The following BRINP3 variants were observed in gnomAD, a reference collection of about 807,000 sequenced individuals.
The protein encoded by BRINP3 is BMP/retinoic acid-inducible neural-specific protein 3.
BRINP3 carries 19 observed loss-of-function variants against 71.0 expected under a neutral mutation model. The ratio of observed to expected loss-of-function variants is 0.27; its 90% CI spans 0.19 to 0.39. The LOEUF is 0.39. Ranked by LOEUF, BRINP3 falls within the 10% of genes least tolerant of loss-of-function variation. BRINP3 has a pLI of 1.00. For synonymous variants in BRINP3, 380 were observed against 337.7 expected (o/e 1.13, Z -1.37); for missense variants, 959 against 940.8 (o/e 1.02, Z -0.25).
In BRINP3 at chr1:190,438,092, TC is replaced by T. The variant is rs1480340486; in HGVS notation, c.236+16562del. Among the ~76,000 whole-genome samples, 7 of 151,336 alleles carry T rather than the reference TC, an allele frequency of 4.6e-5. No individual in the cohort carries two copies. In the South Asian group the frequency reaches 1.0e-3, roughly 23 times the overall value. Reference sequence around the variant, plus strand: ...CAAGTTAATAATCTCTAAAATATCTTCCCATATAGGGAATAATGAATAAAGA... The same window carrying T: ...CAAGTTAATAATCTCTAAAATATCTTCCATATAGGGAATAATGAATAAAGA... On this transcript the variant is annotated intron_variant, in intron 2 of 7. Coordinates refer to ENST00000367462, the MANE Select transcript of BRINP3 (RefSeq NM_199051.3).
intron 4 of BRINP3, among the ~76,000 whole-genome samples, chr1:190,247,811 C>T (rs1659749252): frequency 2.0e-5 from 3 of 151,858 alleles, no homozygotes; most frequent in South Asian, 2.1e-4. Flanking sequence ...CATGTTGGCG[C>T]GACATGATTC....
At chr1:190,309,374 A>G (rs1456722638) in intron 2 of BRINP3, among the ~76,000 whole-genome samples, 1 of 151,848 alleles carries the variant, frequency 6.6e-6, no homozygotes, top group Non-Finnish European at 1.5e-5. Flanking sequence ...AATGTATAGT[A>G]TTGATAGTTG....
chr1:190,354,372 C>T (rs1413766977), intron 2 of BRINP3, among the ~76,000 whole-genome samples: 1 of 151,862 alleles, frequency 6.6e-6, no homozygotes, highest in Non-Finnish European at 1.5e-5. Context: ...AAGAATTATA[C>T]AGCCCAAAAT....
chr1:190,442,036 G>A (rs985799626), intron 2 of BRINP3, among the ~76,000 whole-genome samples: 2 of 151,734 alleles, frequency 1.3e-5, no homozygotes, highest in Non-Finnish European at 2.9e-5. Context: ...AGAATCTTTT[G>A]TTTTATTTGG....
At chr1:190,102,483 T>G (rs2102247660) in intron 7 of BRINP3, among the ~76,000 whole-genome samples, 1 of 152,282 alleles carries the variant, frequency 6.6e-6, no homozygotes, top group African/African-American at 2.4e-5. Context: ...TACGGTCTAC[T>G]TGGGCTAAGA....
intron 7 of BRINP3, among the ~76,000 whole-genome samples, chr1:190,150,337 C>T (rs1217954794): frequency 2.0e-5 from 3 of 151,608 alleles, no homozygotes; most frequent in African/African-American, 4.8e-5. Context: ...TGCTAAAAGG[C>T]GGTGAGGAAG....
intron 2 of BRINP3, among the ~76,000 whole-genome samples, chr1:190,313,335 A>G (rs890906694): frequency 2.0e-5 from 3 of 151,974 alleles, no homozygotes; most frequent in African/African-American, 7.2e-5. Flanking sequence ...TAAGTTAAAG[A>G]AATAGATAGC....
chr1:190,273,860 A>G (rs1414266176), intron 3 of BRINP3, among the ~76,000 whole-genome samples: 1 of 151,656 alleles, frequency 6.6e-6, no homozygotes, highest in Non-Finnish European at 1.5e-5. Flanking sequence ...ATCAACAATG[A>G]TAATGTGGTA....
At chr1:190,474,920 C>T (rs919916413) in intron 1 of BRINP3, 7 of 152,196 alleles carry the variant, frequency 4.6e-5, no homozygotes, top group African/African-American at 1.7e-4. Context: ...GATCTTCCTA[C>T]TTCCCACCCC....
chr1:190,321,097 T>C (rs1666208647), intron 2 of BRINP3, among the ~76,000 whole-genome samples: 1 of 152,070 alleles, frequency 6.6e-6, no homozygotes, highest in Non-Finnish European at 1.5e-5. Context: ...ACATTTTTTA[T>C]GCTGTATAGG....
At chr1:190,153,001 A>G (rs902114821) in intron 7 of BRINP3, among the ~76,000 whole-genome samples, 4 of 152,184 alleles carry the variant, frequency 2.6e-5, no homozygotes, top group African/African-American at 9.7e-5. Flanking sequence ...TGGCAAAAAT[A>G]AAACCAAGGC....
intron 6 of BRINP3, among the ~76,000 whole-genome samples, chr1:190,198,351 T>C (rs536306008): frequency 6.6e-6 from 1 of 152,194 alleles, no homozygotes; most frequent in Non-Finnish European, 1.5e-5. Context: ...TCTGCAGCCA[T>C]CTTGAATTTC....
intron 2 of BRINP3, among the ~76,000 whole-genome samples, chr1:190,300,565 C>G (rs56224857): frequency 2.0e-5 from 3 of 152,254 alleles, no homozygotes; most frequent in East Asian, 1.9e-4. Flanking sequence ...TCTCCCAGCA[C>G]GCAGCTGGAG....
intron 2 of BRINP3, among the ~76,000 whole-genome samples, chr1:190,417,729 CAA>C (rs1234219473): frequency 6.6e-6 from 1 of 152,010 alleles, no homozygotes; most frequent in Non-Finnish European, 1.5e-5. Flanking sequence ...GTTATAAATG[CAA>C]AGACTATTTT....
At chr1:190,259,537 A>G (rs1318374200) in intron 4 of BRINP3, among the ~76,000 whole-genome samples, 1 of 151,724 alleles carries the variant, frequency 6.6e-6, no homozygotes, top group Non-Finnish European at 1.5e-5. Flanking sequence ...CTAGATAATA[A>G]TGAGAGAAGG....
chr1:190,281,454 A>G (rs1304195467), intron 3 of BRINP3, 106 bp downstream of exon 3: 7 of 1,049,880 alleles, frequency 6.7e-6, no homozygotes, highest in Middle Eastern at 5.7e-4. Context: ...AATGAGTTCT[A>G]TAACTATTCA....
rs1657307135 is a variant in BRINP3 at position 190,160,993 on chromosome 1, T to C, written c.962-103A>G. 16 of 751,660 alleles carry C rather than the reference T, an allele frequency of 2.1e-5. No homozygotes were observed. The South Asian group carries it at 2.5e-4, about 12-fold the overall frequency. 46.6% of individuals were successfully genotyped at this position (751,660 alleles called of 1,614,324 possible). ...AAGAACAAATACATATACACATATATGTCAAATTAAGAACAAATAAATACA... is the reference window on the plus strand; with the variant it reads ...AAGAACAAATACATATACACATATACGTCAAATTAAGAACAAATAAATACA... On this transcript the variant is annotated intron_variant, in intron 6 of 7. Coordinates refer to ENST00000367462, the MANE Select transcript of BRINP3 (RefSeq NM_199051.3).
intron 6 of BRINP3, among the ~76,000 whole-genome samples, chr1:190,221,893 CAG>C (rs1206632206): frequency 2.0e-5 from 3 of 152,016 alleles, no homozygotes; most frequent in Non-Finnish European, 4.4e-5. Flanking sequence ...TGCCCAACAA[CAG>C]AGTTTCCTAT....
chr1:190,270,088 GA>G (rs1661977289), intron 3 of BRINP3, among the ~76,000 whole-genome samples: 2 of 151,766 alleles, frequency 1.3e-5, no homozygotes, highest in African/African-American at 4.8e-5. Context: ...AATTGTTTCT[GA>G]AAAGTTTTTT....
Sources: allele counts gnomAD v4.1 joint callset (sites outside exome capture counted in the v4.1 genomes callset), GRCh38; gene constraint gnomAD v4.1.1; transcripts MANE v1.5; gene names NCBI Gene and HGNC (gene_info 2026-07-23, HGNC 2026-07-21).